Variants in VTCN1 observed in about 807,000 individuals in gnomAD.
VTCN1 encodes V-set domain containing T cell activation inhibitor 1, also known as V-set domain-containing T-cell activation inhibitor 1.
In VTCN1, 26 loss-of-function variants were observed where a neutral mutation model predicts 26.5. The ratio of observed to expected loss-of-function variants is 0.98; its 90% confidence interval spans 0.72 to 1.36. The LOEUF (loss-of-function observed/expected upper bound fraction) is 1.36, where lower values mean the gene tolerates loss of function less well. VTCN1 is among the 40% of genes most tolerant of loss of function. The pLI is 0.00. For missense variants in VTCN1, 298 were observed against 337.7 expected, an observed-to-expected ratio of 0.88 and a Z score of 0.92; for synonymous variants, 116 against 130.7, an observed-to-expected ratio of 0.89 and a Z score of 0.77.
At chr1:117,208,738 A>G (rs1470826504) in intron 1 of VTCN1, among the ~76,000 whole-genome samples, 1 of 152,208 alleles carries the variant, frequency 6.6e-6, no homozygotes, top group East Asian at 1.9e-4. Flanking sequence ...CACAGAGGCC[A>G]GGCACGGTAA....
rs1172933526 is a variant in VTCN1 at position 117,155,447 on chromosome 1, C to T, written c.445+1127G>A. On this transcript the variant is annotated intron_variant, in intron 3 of 5. Transcript: ENST00000369458. This position sits in a 1 kb window ranked among gnomAD's most constrained non-coding sequence, Gnocchi z 4.8. The stretch of plus-strand genomic sequence containing the variant: ...CTGTAAGGGGAATTTGTTTCATATC[C>T]CTCATTTATTTAAATAAGTATGAAG... Among the ~76,000 whole-genome samples, 3 of 151,958 alleles carry T rather than the reference C, an allele frequency of 2.0e-5. No individual in the cohort carries two copies. Among genetic ancestry groups the T allele is most frequent in the Non-Finnish European group, 4.4e-5 (3 of 67,982 alleles).
At chr1:117,160,490 T>C (rs1049544693) in intron 2 of VTCN1, among the ~76,000 whole-genome samples, 2 of 152,230 alleles carry the variant, frequency 1.3e-5, no homozygotes, top group African/African-American at 4.8e-5. Context: ...TAATCACTCA[T>C]CTTTAATGGT....
chr1:117,149,801 C>G (rs113375510), intron 4 of VTCN1, among the ~76,000 whole-genome samples: 3,120 of 152,274 alleles, frequency 0.02, 118 homozygotes, highest in African/African-American at 0.072. Context: ...ATATGTAAAT[C>G]CCATGGCCCT....
chr1:117,154,666 C>T (rs1363710863), intron 3 of VTCN1, among the ~76,000 whole-genome samples: 3 of 151,536 alleles, frequency 2.0e-5, no homozygotes, highest in African/African-American at 7.3e-5. Flanking sequence ...GCCTGTAATC[C>T]CAGCTACTTG....
chr1:117,149,258 C>T (rs912790538), intron 4 of VTCN1, among the ~76,000 whole-genome samples: 66 of 151,612 alleles, frequency 4.4e-4, no homozygotes, highest in Non-Finnish European at 7.7e-4. Context: ...CCCTTATCTA[C>T]TCCCCACACA....
At position 117,183,625 on chromosome 1, in the gene VTCN1, AG is replaced by A. The variant is rs1456120256; in HGVS notation, c.33-13455del. The stretch of plus-strand genomic sequence containing the variant: ...TGTGCTTGAATACTTGTTAAACTTG[AG>A]TCCTCTTGGACATTTCTCTCCACAA... On this transcript the variant is annotated intron_variant, in intron 1 of 5. Coordinates refer to ENST00000369458, the MANE Select transcript of VTCN1 (RefSeq NM_024626.4). This position sits in a 1 kb window ranked among gnomAD's most constrained non-coding sequence, Gnocchi z 4.1. Among the ~76,000 whole-genome samples, 1 of 152,208 alleles carries A rather than the reference AG, an allele frequency of 6.6e-6. No homozygotes were observed. Among genetic ancestry groups the A allele is most frequent in the African/African-American group, 2.4e-5 (1 of 41,446 alleles).
chr1:117,183,720 C>T lies in VTCN1; in HGVS notation c.33-13549G>A, dbSNP rs6677932. On this transcript the variant is annotated intron_variant, in intron 1 of 5. Transcript: ENST00000369458. The surrounding 1 kb of genome is among the most constrained non-coding windows in gnomAD (Gnocchi z 4.1). ...TTGTAGGGAATGAAGAGTTAAATTT[C>T]CAGAATAGTGCATACTAAATAGCCT... 0.015 allele frequency among the ~76,000 whole-genome samples: 2,317 copies of T among 152,062 alleles called. 53 individuals carry two copies. The highest frequency in any genetic ancestry group is 0.053 in the African/African-American group (2,189 of 41,466).
intron 1 of VTCN1, among the ~76,000 whole-genome samples, chr1:117,209,052 G>A (rs893868364): frequency 4.6e-5 from 7 of 152,206 alleles, no homozygotes; most frequent in African/African-American, 1.7e-4. Flanking sequence ...CACTGAAGCT[G>A]CTCATTGGCC....
At chr1:117,203,520 A>G (rs901005840) in intron 1 of VTCN1, 4 of 802,412 alleles carry the variant, frequency 5.0e-6, no homozygotes, top group Non-Finnish European at 6.0e-6. Context: ...GCAGGAACAC[A>G]TCTGAAGTGA....
At chr1:117,206,677 T>TAAACATG (rs1553214262) in intron 1 of VTCN1, among the ~76,000 whole-genome samples, 2 of 152,068 alleles carry the variant, frequency 1.3e-5, no homozygotes, top group Non-Finnish European at 2.9e-5. Flanking sequence ...TATCTGTTGA[T>TAAACATG]GCTGACTATG....
At chr1:117,180,076 G>A (rs1647595821) in intron 1 of VTCN1, among the ~76,000 whole-genome samples, 3 of 152,000 alleles carry the variant, frequency 2.0e-5, no homozygotes, top group African/African-American at 4.8e-5. Context: ...ACTGATGGAA[G>A]GACAGCACAT....
At chr1:117,210,574 C>T (rs1423790171) in intron 1 of VTCN1, among the ~76,000 whole-genome samples, 3 of 152,190 alleles carry the variant, frequency 2.0e-5, no homozygotes, top group African/African-American at 7.2e-5. Context: ...CCAGCAAGCG[C>T]CAGCCCTCCA....
Position 117,153,016 on chromosome 1 carries a change from A to G in VTCN1, c.724+75T>C, listed in dbSNP as rs139979728. On this transcript the variant is annotated intron_variant, in intron 4 of 5. Coordinates refer to ENST00000369458, the MANE Select transcript of VTCN1 (RefSeq NM_024626.4). The stretch of plus-strand genomic sequence containing the variant: ...GATTTTTGTGCCTTGGTATATATCT[A>G]TTAATGAAGTTAAATTTTAATTTAG... 1.4e-4 allele frequency: 209 copies of G among 1,521,190 alleles called. No homozygotes were observed. In the East Asian group the frequency reaches 3.7e-3, roughly 27 times the overall value. The allele number at this position is 1,521,190 out of a possible 1,614,324, so 94.2% of individuals were successfully genotyped here. A position where few individuals can be genotyped will look rare whatever the true frequency, so the allele number is the denominator to read the frequency against.
intron 1 of VTCN1, among the ~76,000 whole-genome samples, chr1:117,200,091 A>G (rs1207684245): frequency 1.3e-5 from 2 of 152,230 alleles, no homozygotes; most frequent in African/African-American, 2.4e-5. Context: ...ACAAAAAAGA[A>G]AAGAGTCATT....
intron 1 of VTCN1, chr1:117,172,275 A>G: frequency 4.0e-6 from 2 of 499,656 alleles, no homozygotes; most frequent in Non-Finnish European, 8.0e-6. Context: ...CCAGACAGAA[A>G]CAACAGTTCC....
At chr1:117,171,464 C>T (rs1322550778) in intron 1 of VTCN1, among the ~76,000 whole-genome samples, 1 of 152,184 alleles carries the variant, frequency 6.6e-6, no homozygotes, top group African/African-American at 2.4e-5. Context: ...ATTTACACTC[C>T]TACCAACAGC....
At chr1:117,156,464 G>T in intron 3 of VTCN1, 110 bp downstream of exon 3, 2 of 1,191,270 alleles carry the variant, frequency 1.7e-6, no homozygotes, top group Non-Finnish European at 1.1e-6. Context: ...TAGCAGAATT[G>T]GGAGCATCAT....
intron 1 of VTCN1, among the ~76,000 whole-genome samples, chr1:117,192,211 A>C (rs1466421822): frequency 6.6e-6 from 1 of 152,156 alleles, no homozygotes; most frequent in Non-Finnish European, 1.5e-5. Context: ...TTTTCAGCAG[A>C]AGTCTTACAG....
At chr1:117,190,000 C>T (rs927476872) in intron 1 of VTCN1, among the ~76,000 whole-genome samples, 1 of 152,202 alleles carries the variant, frequency 6.6e-6, no homozygotes, top group Non-Finnish European at 1.5e-5. Context: ...AGCTACAACC[C>T]CATTTGGTCT....
Sources: gnomAD v4.1 joint callset for allele counts (sites outside exome capture counted in the v4.1 genomes callset) on GRCh38, gnomAD v4.1.1 for gene constraint, Gnocchi (gnomAD v3.1) non-coding constraint, MANE v1.5 for transcripts, NCBI Gene and HGNC (gene_info 2026-07-23, HGNC 2026-07-21) for gene names.